The following GRM8 variants were observed in gnomAD, a reference collection of about 807,000 sequenced individuals.
GRM8 encodes the protein metabotropic glutamate receptor 8.
A neutral mutation model predicts 87.2 loss-of-function variants in GRM8; 47 were observed. The observed-to-expected ratio is 0.54, with a 90% CI of 0.43 to 0.69. The LOEUF (loss-of-function observed/expected upper bound fraction) is 0.69, where lower values mean the gene tolerates loss of function less well. Ranked by LOEUF, GRM8 falls within the 30% of genes least tolerant of loss-of-function variation. The pLI is 0.00. For synonymous variants in GRM8, 396 were observed against 404.5 expected (o/e 0.98, Z 0.25); for missense variants, 1,019 against 1,139.2 (o/e 0.89, Z 1.52).
Position 126,442,149 on chromosome 7 carries a change from C to T in GRM8, c.2678-2981G>A, listed in dbSNP as rs2283060. Reference sequence around the variant, plus strand: ...TCTGGAAGAACCAATATAGAACCAGCCTCCCTCCCTCCTTTCCTCCCTATC... The same window carrying T: ...TCTGGAAGAACCAATATAGAACCAGTCTCCCTCCCTCCTTTCCTCCCTATC... On this transcript the variant is annotated intron_variant, in intron 10 of 10. Coordinates refer to ENST00000339582, the MANE Select transcript of GRM8 (RefSeq NM_000845.3). 5.9e-5 allele frequency among the ~76,000 whole-genome samples: 9 copies of T among 152,032 alleles called. No individual in the cohort carries two copies. In the East Asian group the frequency reaches 1.8e-3, roughly 30 times the overall value.
intron 6 of GRM8, among the ~76,000 whole-genome samples, chr7:126,793,755 A>C (rs775679273): frequency 9.2e-5 from 14 of 152,218 alleles, no homozygotes; most frequent in Non-Finnish European, 1.6e-4. Flanking sequence ...GTAATTGTTC[A>C]GTTTTGCTAA....
intron 3 of GRM8, among the ~76,000 whole-genome samples, chr7:127,086,332 C>T (rs1056097398): frequency 4.6e-5 from 7 of 152,164 alleles, no homozygotes; most frequent in African/African-American, 1.4e-4. Context: ...GATCTCCTGA[C>T]CTCGTGATCT....
intron 7 of GRM8, among the ~76,000 whole-genome samples, chr7:126,703,074 G>T (rs148708050): frequency 6.6e-6 from 1 of 152,264 alleles, no homozygotes; most frequent in African/African-American, 2.4e-5. Flanking sequence ...GTCAGTGAGA[G>T]ACAAGTTCAG....
chr7:126,937,686 G>A (rs889868389), intron 3 of GRM8, among the ~76,000 whole-genome samples: 9 of 152,304 alleles, frequency 5.9e-5, no homozygotes, highest in East Asian at 3.9e-4. Context: ...ACAACAAAGC[G>A]CTAACTCCTA....
chr7:126,978,733 A>C (rs1181187845), intron 3 of GRM8, among the ~76,000 whole-genome samples: 1 of 152,204 alleles, frequency 6.6e-6, no homozygotes, highest in Non-Finnish European at 1.5e-5. Context: ...TAAGATTCCA[A>C]TATGTAAACA....
At chr7:127,245,065 C>T (rs1399289301) in intron 1 of GRM8, among the ~76,000 whole-genome samples, 1 of 152,248 alleles carries the variant, frequency 6.6e-6, no homozygotes, top group East Asian at 1.9e-4. Flanking sequence ...GCTTTTCCCT[C>T]AGAAAATCTG....
intron 6 of GRM8, among the ~76,000 whole-genome samples, chr7:126,773,164 T>A (rs1819041885): frequency 6.6e-6 from 1 of 152,100 alleles, no homozygotes; most frequent in Admixed American, 6.6e-5. Context: ...TGCTGCTCTC[T>A]AAACAACTCT....
chr7:127,034,988 T>G lies in GRM8; in HGVS notation c.727+71508A>C, dbSNP rs146010214. 6.3e-3 allele frequency among the ~76,000 whole-genome samples: 959 copies of G among 152,234 alleles called. 10 individuals are homozygous for G. Among genetic ancestry groups the G allele is most frequent in the Non-Finnish European group, 8.2e-3 (556 of 67,998 alleles). On this transcript the variant is annotated intron_variant, in intron 3 of 10. Coordinates refer to ENST00000339582, the MANE Select transcript of GRM8 (RefSeq NM_000845.3). Reference sequence around the variant, plus strand: ...TTAAAAGCTAGGAAAGTGAGCATGGTCATAAACGAAAGCAGCTCAGTTTAG... The same window carrying G: ...TTAAAAGCTAGGAAAGTGAGCATGGGCATAAACGAAAGCAGCTCAGTTTAG...
At chr7:126,764,962 C>T (rs10263264) in intron 7 of GRM8, among the ~76,000 whole-genome samples, 16,733 of 151,988 alleles carry the variant, frequency 0.11, 3,122 homozygotes, top group African/African-American at 0.38. Context: ...AAGGCACTTA[C>T]AGAAACTTTC....
chr7:126,519,119 G>C (rs1812594425), intron 9 of GRM8, among the ~76,000 whole-genome samples: 1 of 151,944 alleles, frequency 6.6e-6, no homozygotes, highest in African/African-American at 2.4e-5. Flanking sequence ...TTGGATTGTG[G>C]GGCTGGCAAG....
intron 2 of GRM8, among the ~76,000 whole-genome samples, chr7:127,118,582 T>C (rs1826841202): frequency 6.6e-6 from 1 of 152,234 alleles, no homozygotes; most frequent in Non-Finnish European, 1.5e-5. Flanking sequence ...TAACATGTTA[T>C]ATTGGCCAAG....
At chr7:127,064,337 C>T (rs1820902276) in intron 3 of GRM8, among the ~76,000 whole-genome samples, 1 of 152,018 alleles carries the variant, frequency 6.6e-6, no homozygotes, top group Admixed American at 6.6e-5. Flanking sequence ...TAGGTTAGGT[C>T]TTTTTGTTGA....
chr7:127,077,275 T>C (rs1391420183), intron 3 of GRM8, among the ~76,000 whole-genome samples: 1 of 152,158 alleles, frequency 6.6e-6, no homozygotes, highest in Non-Finnish European at 1.5e-5. Flanking sequence ...GGAGTTTTCA[T>C]AAGTAATATT....
chr7:126,482,548 A>G (rs1358894153), intron 9 of GRM8, among the ~76,000 whole-genome samples: 1 of 148,180 alleles, frequency 6.7e-6, no homozygotes, highest in Non-Finnish European at 1.5e-5. Context: ...AGCAAGTCAC[A>G]AAAAAGACAA....
chr7:126,538,875 C>T (rs1816185585), intron 8 of GRM8, among the ~76,000 whole-genome samples: 1 of 151,948 alleles, frequency 6.6e-6, no homozygotes. Context: ...ACATGTTGCA[C>T]AGTTAATCTG....
At chr7:126,797,891 T>C (rs552241902) in intron 6 of GRM8, among the ~76,000 whole-genome samples, 2 of 152,264 alleles carry the variant, frequency 1.3e-5, no homozygotes, top group South Asian at 4.1e-4. Context: ...TCTAAAGATA[T>C]ATTTTGATGT....
At chr7:127,040,708 G>A (rs779981628) in intron 3 of GRM8, among the ~76,000 whole-genome samples, 2 of 152,090 alleles carry the variant, frequency 1.3e-5, no homozygotes, top group East Asian at 1.9e-4. Context: ...TACTAACCCC[G>A]GAATGGGAAG....
At chr7:126,904,730 T>A (rs1449672509) in intron 3 of GRM8, 47 bp from the exon 4 acceptor site, 2 of 1,574,166 alleles carry the variant, frequency 1.3e-6, no homozygotes, top group South Asian at 1.1e-5. Context: ...AGCATTTATT[T>A]AATTAGCAAA....
At chr7:126,764,833 C>T (rs1423888059) in intron 7 of GRM8, among the ~76,000 whole-genome samples, 1 of 152,054 alleles carries the variant, frequency 6.6e-6, no homozygotes, top group Non-Finnish European at 1.5e-5. Flanking sequence ...CAGATCCTTC[C>T]TGATTCCTGT....
Sources: gnomAD v4.1 joint callset for allele counts (sites outside exome capture counted in the v4.1 genomes callset) on GRCh38, gnomAD v4.1.1 for gene constraint, MANE v1.5 for transcripts, NCBI Gene and HGNC (gene_info 2026-07-23, HGNC 2026-07-21) for gene names.